Variants in ZDHHC6 observed in about 807,000 individuals in gnomAD.
ZDHHC6 encodes palmitoyltransferase ZDHHC6.
A neutral mutation model predicts 57.8 loss-of-function variants in ZDHHC6; 32 were observed. The ratio of observed to expected loss-of-function variants is 0.55; its 90% CI spans 0.42 to 0.74. ZDHHC6 has a LOEUF of 0.74. ZDHHC6 is among the 30% of genes least tolerant of loss of function. The probability of loss-of-function intolerance (pLI) is 0.00; values close to 1 mark genes in which losing one functional copy is unlikely to be tolerated. For missense variants in ZDHHC6, 433 were observed against 500.7 expected, an observed-to-expected ratio of 0.86 and a Z score of 1.29; for synonymous variants, 128 against 158.0, an observed-to-expected ratio of 0.81 and a Z score of 1.42.
At chr10:112,444,819 AATGT>A (rs1181277355) in intron 2 of ZDHHC6, among the ~76,000 whole-genome samples, 2 of 152,208 alleles carry the variant, frequency 1.3e-5, no homozygotes, top group African/African-American at 2.4e-5. Flanking sequence ...AAGGGATGTT[AATGT>A]ATTACATGAA....
Position 112,433,297 on chromosome 10 carries a change from A to G in ZDHHC6, c.904-16T>C, listed in dbSNP as rs1430285251. ...ACTGTTCTATCTGTTTGGAAGAAAT[A>G]AAAAGAAAAAAATGAAGTCTCTTGT... On this transcript the variant is annotated splice_polypyrimidine_tract_variant and intron_variant, in intron 7 of 10. Coordinates refer to ENST00000369405, the MANE Select transcript of ZDHHC6 (RefSeq NM_022494.3). 2 of 1,550,278 alleles carry G rather than the reference A, an allele frequency of 1.3e-6. No individual in the cohort carries two copies. The highest frequency in any genetic ancestry group is 4.0e-5 in the Admixed American group (2 of 49,460).
chr10:112,438,237 T>G, intron 6 of ZDHHC6, 99 bp downstream of exon 6: 1 of 894,702 alleles, frequency 1.1e-6, no homozygotes. Flanking sequence ...CACTTTTCGT[T>G]AATCCGGTCT....
intron 2 of ZDHHC6, among the ~76,000 whole-genome samples, chr10:112,444,287 C>T (rs930239699): frequency 1.3e-5 from 2 of 152,190 alleles, no homozygotes; most frequent in African/African-American, 4.8e-5. Flanking sequence ...TTCTTTCAAC[C>T]TGAAATGCCC....
chr10:112,447,251 C>G, upstream of ZDHHC6: 1 of 1,028,950 alleles, frequency 9.7e-7, no homozygotes, highest in South Asian at 1.5e-5. Flanking sequence ...GAGCTGTCCC[C>G]GGTTCTCCGT....
At chr10:112,445,813 T>G (rs1846606616) in intron 1 of ZDHHC6, among the ~76,000 whole-genome samples, 163 bp from the exon 2 acceptor site, 1 of 152,266 alleles carries the variant, frequency 6.6e-6, no homozygotes, top group Non-Finnish European at 1.5e-5. Context: ...GAACTACTTT[T>G]GACTTATCCA....
At chr10:112,430,949 T>G in intron 10 of ZDHHC6, 42 bp from the exon 11 acceptor site, 1 of 1,518,744 alleles carries the variant, frequency 6.6e-7, no homozygotes, top group East Asian at 2.3e-5. Context: ...GTCTGATGGA[T>G]GACAGTGACA....
intron 5 of ZDHHC6, among the ~76,000 whole-genome samples, chr10:112,438,739 A>G (rs1166321775): frequency 6.6e-6 from 1 of 152,194 alleles, no homozygotes; most frequent in African/African-American, 2.4e-5. Flanking sequence ...ATTTGCTATT[A>G]AAATCTTTTA....
intron 8 of ZDHHC6, among the ~76,000 whole-genome samples, chr10:112,432,860 A>G (rs535358382): frequency 6.6e-6 from 1 of 152,352 alleles, no homozygotes; most frequent in Admixed American, 6.5e-5. Flanking sequence ...GAGCACTTAC[A>G]ATGTAGTGAA....
chr10:112,432,594 T>C lies in ZDHHC6; in HGVS notation c.946-73A>G, dbSNP rs1445287090. ...CTGAGTTTTAAGTCTGAATTTCAAA[T>C]TTTAAAGCAAGATCCAAAATATCCA... On this transcript the variant is annotated intron_variant, in intron 8 of 10. Transcript: ENST00000369405. 3 of 1,539,808 alleles carry C rather than the reference T, an allele frequency of 1.9e-6. No homozygotes were observed. In the East Asian group the frequency reaches 6.8e-5, roughly 35 times the overall value.
At position 112,440,692 on chromosome 10, in the gene ZDHHC6, A is replaced by G; in HGVS notation, c.523T>C (p.Ser175Pro). 6.2e-7 allele frequency: 1 copy of G among 1,610,776 alleles called. No homozygotes were observed. Among genetic ancestry groups the G allele is most frequent in the Non-Finnish European group, 8.5e-7 (1 of 1,177,954 alleles). ...TMYTQLYHRL[S>P]FGWNTVKIDM... ...ATCTTCACTGTGTTCCACCCAAAGG[A>G]GAGCTATCGCAGCAACAATAGCACA... Residue 175 changes from serine to proline, a missense_variant, in exon 5 of 11, where the codon TCC becomes CCC. Coordinates refer to ENST00000369405, the MANE Select transcript of ZDHHC6 (RefSeq NM_022494.3).
chr10:112,442,097 A>C lies in ZDHHC6; in HGVS notation c.519+95T>G, dbSNP rs907193218. ...TCTATTTCCCCAACTAAATCACAGA[A>C]AGCATATTTCCAAAAGGAACCTCTT... On this transcript the variant is annotated intron_variant, in intron 4 of 10. Coordinates refer to ENST00000369405, the MANE Select transcript of ZDHHC6 (RefSeq NM_022494.3). 11 of 1,336,364 alleles carry C rather than the reference A, an allele frequency of 8.2e-6. No homozygotes were observed. In the Admixed American group the frequency reaches 3.5e-4, roughly 43 times the overall value. The allele number at this position is 1,336,364 out of a possible 1,614,324, so 82.8% of individuals were successfully genotyped here. A position where few individuals can be genotyped will look rare whatever the true frequency, so the allele number is the denominator to read the frequency against.
intron 7 of ZDHHC6, among the ~76,000 whole-genome samples, chr10:112,433,737 A>G (rs1346147148): frequency 6.6e-6 from 1 of 152,202 alleles, no homozygotes; most frequent in Admixed American, 6.5e-5. Flanking sequence ...GCACTATATT[A>G]GATATAATAG....
chr10:112,431,577 G>C (rs536027718), intron 10 of ZDHHC6, among the ~76,000 whole-genome samples: 1 of 152,190 alleles, frequency 6.6e-6, no homozygotes, highest in East Asian at 1.9e-4. Flanking sequence ...GTCTCCCAAA[G>C]TCCTGGGATT....
intron 3 of ZDHHC6, 128 bp from the exon 4 acceptor site, chr10:112,442,479 T>C (rs1433645482): frequency 1.5e-5 from 13 of 865,132 alleles, no homozygotes; most frequent in Non-Finnish European, 2.2e-5. Flanking sequence ...TTATACTTCA[T>C]GGAACAGAAA....
At position 112,437,637 on chromosome 10, in the gene ZDHHC6, G is replaced by C. The variant is rs149179288; in HGVS notation, c.735+699C>G. On this transcript the variant is annotated intron_variant, in intron 6 of 10. Coordinates refer to ENST00000369405, the MANE Select transcript of ZDHHC6 (RefSeq NM_022494.3). ...CTTCTCTTAAGTCAAAGATACTAAA[G>C]AGATTTGTAAAGATATAAAACGATG... 7.6e-3 allele frequency among the ~76,000 whole-genome samples: 1,156 copies of C among 152,304 alleles called. 13 individuals are homozygous for C. Among genetic ancestry groups the C allele is most frequent in the African/African-American group, 0.026 (1,091 of 41,568 alleles).
chr10:112,444,095 T>C (rs1380680539), intron 2 of ZDHHC6, among the ~76,000 whole-genome samples: 1 of 152,200 alleles, frequency 6.6e-6, no homozygotes, highest in Non-Finnish European at 1.5e-5. Context: ...ATAATATTCC[T>C]ATAATACACC....
chr10:112,443,680 T>C, intron 2 of ZDHHC6, 74 bp from the exon 3 acceptor site: 2 of 1,190,288 alleles, frequency 1.7e-6, no homozygotes, highest in Admixed American at 1.9e-5. Flanking sequence ...GGTATGATTT[T>C]CTTTTATGGG....
intron 5 of ZDHHC6, 91 bp from the exon 6 acceptor site, chr10:112,438,480 C>G: frequency 2.2e-5 from 22 of 1,013,024 alleles, no homozygotes; most frequent in Non-Finnish European, 3.0e-5. Flanking sequence ...GCTTTTATTA[C>G]TCCATTCCAT....
intron 5 of ZDHHC6, 61 bp downstream of exon 5, chr10:112,440,473 T>G: frequency 6.6e-7 from 1 of 1,523,518 alleles, no homozygotes; most frequent in Non-Finnish European, 8.9e-7. Flanking sequence ...CTTTGTCTCT[T>G]TCTTGTGCAA....
Sources: gnomAD v4.1 joint callset for allele counts (sites outside exome capture counted in the v4.1 genomes callset) on GRCh38, gnomAD v4.1.1 for gene constraint, MANE v1.5 for transcripts, NCBI Gene and HGNC (gene_info 2026-07-23, HGNC 2026-07-21) for gene names.